SMPD4: variants seen among roughly 807,000 people sequenced by gnomAD.
The protein encoded by SMPD4 is sphingomyelin phosphodiesterase 4.
A neutral mutation model predicts 97.8 loss-of-function variants in SMPD4; 58 were observed. The observed-to-expected ratio is 0.59, with a 90% confidence interval of 0.48 to 0.74. The LOEUF (loss-of-function observed/expected upper bound fraction) is 0.74. Ranked by LOEUF, SMPD4 falls within the 30% of genes least tolerant of loss-of-function variation. SMPD4 has a pLI of 0.00. For missense variants in SMPD4, 853 were observed against 1,080.5 expected, an observed-to-expected ratio of 0.79 and a Z score of 2.95; for synonymous variants, 388 against 450.0, an observed-to-expected ratio of 0.86 and a Z score of 1.74.
chr2:130,172,020 G>C (rs1055324013), intron 8 of SMPD4, among the ~76,000 whole-genome samples: 14 of 152,084 alleles, frequency 9.2e-5, no homozygotes, highest in African/African-American at 3.4e-4. Flanking sequence ...TTTGCTCATA[G>C]GACAACCTTT....
chr2:130,176,869 C>T (rs1328454708), intron 1 of SMPD4, among the ~76,000 whole-genome samples: 1 of 152,016 alleles, frequency 6.6e-6, no homozygotes, highest in Non-Finnish European at 1.5e-5. Flanking sequence ...GAGACAGGGT[C>T]TCGCTATGTT....
Position 130,155,147 on chromosome 2 carries a change from G to T in SMPD4, c.1402C>A (p.Arg468=). The change falls in exon 15 of 20, where the codon CGA becomes AGA. Residue 468 remains arginine (R), a synonymous_variant. Transcript: ENST00000680298. The part of the protein sequence containing the change: ...VSPKHALMVF[R]VAKVFAQPNL... Reference sequence around the variant, plus strand: ...GGCTGGGCAAAGACTTTGGCCACTCGGAACACCATGAGCGCGTGCTTGGGG... The same window carrying T: ...GGCTGGGCAAAGACTTTGGCCACTCTGAACACCATGAGCGCGTGCTTGGGG... The T allele has an allele frequency of 6.3e-7, 1 of 1,591,262 alleles. No individual in the cohort carries two copies. The highest frequency in any genetic ancestry group is 8.6e-7 in the Non-Finnish European group (1 of 1,160,726).
chr2:130,158,971 T>C (rs111586530), intron 11 of SMPD4, among the ~76,000 whole-genome samples: 211 of 152,304 alleles, frequency 1.4e-3, no homozygotes, highest in Middle Eastern at 6.8e-3. Context: ...GATAAGTGGC[T>C]GAGTCTGAAG....
In SMPD4 at chr2:130,155,109, C is replaced by A; in HGVS notation, c.1440G>T (p.Glu480Asp). 6.2e-7 allele frequency: 1 copy of A among 1,614,192 alleles called. No individual in the cohort carries two copies. Among genetic ancestry groups the A allele is most frequent in the Non-Finnish European group, 8.5e-7 (1 of 1,180,032 alleles). The change falls in exon 15 of 20, where the codon GAG becomes GAT. Residue 480 changes from glutamate (E) to aspartate (D), a missense_variant. By Grantham distance (45) the Glu-to-Asp change is conservative. Coordinates refer to ENST00000680298, the MANE Select transcript of SMPD4 (RefSeq NM_017951.5). ...CTGAGGACTTACCTTTCTGAATCAT[C>A]TCAGCCAGGTTGGGCTGGGCAAAGA... The part of the protein sequence containing the change: ...AKVFAQPNLA[E>D]MIQKGEQLFL...
rs1686914764 is a variant in SMPD4 at position 130,157,339 on chromosome 2, G to A, written c.1009C>T (p.Leu337=). Residue 337 remains leucine, a synonymous_variant, in exon 12 of 20, where the codon CTG becomes TTG. Transcript: ENST00000680298. The stretch of plus-strand genomic sequence containing the variant: ...TTCAGGCTGTTGGCAAAGGCGTGCA[G>A]GTGCTTCAGCAGCAGGCGCACCACC... The part of the protein sequence containing the change: ...VLVVRLLLKH[L]HAFANSLKPE... The A allele has an allele frequency of 6.3e-7, 1 of 1,597,874 alleles. No individual in the cohort carries two copies.
intron 10 of SMPD4, 86 bp downstream of exon 10, chr2:130,164,288 G>A (rs1424907414): frequency 1.7e-5 from 21 of 1,201,264 alleles, no homozygotes; most frequent in Non-Finnish European, 2.2e-5. Flanking sequence ...CATCCAGCCT[G>A]TGAAAACTCA....
At position 130,161,176 on chromosome 2, in the gene SMPD4, G is replaced by A; in HGVS notation, c.951+10C>T. ...TCTGGGCAGGAGGAAGGGAACGAATGAGCCAGTACTTGGTAGGCGTGGAGG... is the reference window on the plus strand; with the variant it reads ...TCTGGGCAGGAGGAAGGGAACGAATAAGCCAGTACTTGGTAGGCGTGGAGG... On this transcript the variant is annotated intron_variant, in intron 11 of 19. Coordinates refer to ENST00000680298, the MANE Select transcript of SMPD4 (RefSeq NM_017951.5). The A allele has an allele frequency of 3.1e-6, 5 of 1,612,196 alleles. No homozygotes were observed. The highest frequency in any genetic ancestry group is 4.2e-6 in the Non-Finnish European group (5 of 1,179,304).
chr2:130,181,729 AGGAGTGCGGGGGAG>A, upstream of SMPD4: 1 of 1,548,904 alleles, frequency 6.5e-7, no homozygotes, highest in South Asian at 1.2e-5. Context: ...ATGGCGAGGC[AGGAGTGCGGGGGAG>A]GGAGTGGTCC....
intron 11 of SMPD4, 120 bp from the exon 12 acceptor site, chr2:130,157,516 G>C: frequency 6.6e-7 from 1 of 1,519,270 alleles, no homozygotes; most frequent in Non-Finnish European, 8.9e-7. Flanking sequence ...CGGGAGGCAT[G>C]AGCCAGGCCA....
intron 1 of SMPD4, among the ~76,000 whole-genome samples, chr2:130,176,867 G>T (rs1467294516): frequency 3.3e-5 from 5 of 152,012 alleles, no homozygotes; most frequent in African/African-American, 4.8e-5. Context: ...TTGAGACAGG[G>T]TCTCGCTATG....
rs113557731 is a variant in SMPD4, at chr2:130,180,007, A to G, written c.-46+1523T>C. ...TTGAGATGGTCTCGCTCTGTCGCCCAGAGTGGAGTGCAGTGGCGCGATCTG... is the reference window on the plus strand; with the variant it reads ...TTGAGATGGTCTCGCTCTGTCGCCCGGAGTGGAGTGCAGTGGCGCGATCTG... On this transcript the variant is annotated intron_variant, in intron 1 of 19. Transcript: ENST00000680298. 6.5e-3 allele frequency among the ~76,000 whole-genome samples: 914 copies of G among 140,804 alleles called. 5 individuals are homozygous for G. The highest frequency in any genetic ancestry group is 0.023 in the African/African-American group (856 of 37,588). The allele number at this position is 140,804 out of a possible 152,430, so 92.4% of individuals were successfully genotyped here.
chr2:130,163,975 C>A (rs1420610464), intron 10 of SMPD4, among the ~76,000 whole-genome samples: 1 of 152,182 alleles, frequency 6.6e-6, no homozygotes, highest in Non-Finnish European at 1.5e-5. Context: ...CAGGCCACCC[C>A]TTCATGGGAA....
intron 1 of SMPD4, among the ~76,000 whole-genome samples, chr2:130,180,173 C>T (rs12614947): frequency 0.34 from 51,589 of 150,184 alleles, 9,139 homozygotes; most frequent in East Asian, 0.46. Context: ...ACGTGTTAGC[C>T]AGGATGGTCT....
chr2:130,164,381 T>C lies in SMPD4; in HGVS notation c.857A>G (p.His286Arg). ...LEMYQKMQSP[H>R]AKLEVLHYRL... ...GAAAAACTGAAAACATACCTTGGCA[T>C]GAGGGGACTGCATTTTTTGATACAT... The change falls in exon 10 of 20, where the codon CAT (histidine) becomes CGT (arginine). Residue 286 changes from histidine (H) to arginine (R), a missense_variant. Physicochemically the swap from His to Arg is conservative, Grantham distance 29 (BLOSUM62 0). This residue lies in a region of SMPD4 where 313 missense variants were observed against 402.2 expected (regional missense o/e 0.78). Coordinates refer to ENST00000680298, the MANE Select transcript of SMPD4 (RefSeq NM_017951.5). The C allele has an allele frequency of 6.2e-7, 1 of 1,613,956 alleles. No homozygotes were observed. Among genetic ancestry groups the C allele is most frequent in the South Asian group, 1.1e-5 (1 of 91,066 alleles).
chr2:130,153,349 T>C lies in SMPD4; in HGVS notation c.1995A>G (p.Gly665=), dbSNP rs748882791. The change falls in exon 18 of 20, where the codon GGA becomes GGG. Residue 665 remains glycine (G), a synonymous_variant. Coordinates refer to ENST00000680298, the MANE Select transcript of SMPD4 (RefSeq NM_017951.5). ...ACCGCCCCAGGGGCGTAAGGATGAG[T>C]CCGTCCTCACCCACGATGCAGTCGG... ...QLPDCIVGED[G]LILTPLGRYQ... is the part of the protein sequence containing the mutation. 4.9e-5 allele frequency: 79 copies of C among 1,613,766 alleles called. No homozygotes were observed. In the Admixed American group the frequency reaches 1.2e-3, roughly 25 times the overall value.
chr2:130,164,593 T>C (rs1477677797), intron 9 of SMPD4, 148 bp from the exon 10 acceptor site: 1 of 641,460 alleles, frequency 1.6e-6, no homozygotes, highest in Non-Finnish European at 2.7e-6. Flanking sequence ...CTTCACACCA[T>C]CACCAAAAAA....
At chr2:130,156,215 A>G in intron 13 of SMPD4, 80 bp from the exon 14 acceptor site, 1 of 1,268,412 alleles carries the variant, frequency 7.9e-7, no homozygotes. Flanking sequence ...ACCAGGCGGC[A>G]GCTGGGTGGG....
intron 8 of SMPD4, among the ~76,000 whole-genome samples, chr2:130,168,716 A>ATT (rs915101871): frequency 5.3e-5 from 7 of 132,864 alleles, no homozygotes; most frequent in African/African-American, 8.3e-5. Context: ...GGCACTATTA[A>ATT]TTTTTTTTTT....
chr2:130,180,390 G>C (rs1396032958), intron 1 of SMPD4, among the ~76,000 whole-genome samples: 8 of 151,934 alleles, frequency 5.3e-5, no homozygotes, highest in African/African-American at 1.9e-4. Context: ...CTCTTACTCA[G>C]CCTCCCAAGT....
Sources: gnomAD v4.1 joint callset for allele counts (sites outside exome capture counted in the v4.1 genomes callset) on GRCh38, gnomAD v4.1.1 for gene constraint, gnomAD v4.1.1 regional missense constraint, MANE v1.5 for transcripts, NCBI Gene and HGNC (gene_info 2026-07-23, HGNC 2026-07-21) for gene names.